ROBO2: variants seen among roughly 807,000 people sequenced by gnomAD.
The protein encoded by ROBO2 is roundabout homolog 2.
In ROBO2, 53 loss-of-function variants were observed where a neutral mutation model predicts 160.8. That is an observed-to-expected ratio of 0.33 (90% confidence interval 0.26 to 0.41). The LOEUF (loss-of-function observed/expected upper bound fraction) is 0.41, where lower values mean the gene tolerates loss of function less well. ROBO2 is among the 10% of genes least tolerant of loss of function. The probability of loss-of-function intolerance (pLI) is 1.00; values close to 1 mark genes in which losing one functional copy is unlikely to be tolerated. For missense variants in ROBO2, 1,577 were observed against 1,722.4 expected, an observed-to-expected ratio of 0.92 and a Z score of 1.49; for synonymous variants, 664 against 611.7, an observed-to-expected ratio of 1.09 and a Z score of -1.26.
intron 2 of ROBO2, among the ~76,000 whole-genome samples, chr3:76,412,510 T>A (rs1244440004): frequency 6.6e-6 from 1 of 152,182 alleles, no homozygotes; most frequent in Non-Finnish European, 1.5e-5. Flanking sequence ...GCCAGCTAGT[T>A]ACTTGCTAGG....
intron 2 of ROBO2, among the ~76,000 whole-genome samples, chr3:77,193,732 G>A (rs944876188): frequency 2.0e-5 from 3 of 151,980 alleles, no homozygotes; most frequent in African/African-American, 7.3e-5. Context: ...GCACCATAGG[G>A]AATTGCTCTT....
chr3:76,086,647 C>T (rs955801762), intron 2 of ROBO2, among the ~76,000 whole-genome samples: 13 of 152,102 alleles, frequency 8.5e-5, no homozygotes, highest in East Asian at 7.7e-4. Context: ...CAAAATATTA[C>T]GAGGCATACT....
chr3:76,171,071 A>G (rs888574947), intron 2 of ROBO2, among the ~76,000 whole-genome samples: 1 of 152,098 alleles, frequency 6.6e-6, no homozygotes, highest in African/African-American at 2.4e-5. Flanking sequence ...AAAGATCCAA[A>G]CTTAATTCAT....
At chr3:76,199,916 G>GT (rs1353688425) in intron 2 of ROBO2, among the ~76,000 whole-genome samples, 2 of 152,090 alleles carry the variant, frequency 1.3e-5, no homozygotes, top group African/African-American at 4.8e-5. Context: ...CCAAATTCAA[G>GT]TAATAGTGGC....
At chr3:77,003,891 G>T (rs1369434449) in intron 2 of ROBO2, among the ~76,000 whole-genome samples, 1 of 152,098 alleles carries the variant, frequency 6.6e-6, no homozygotes, top group Non-Finnish European at 1.5e-5. Context: ...TTCTGGAAAA[G>T]TTGTGAGATG....
At chr3:77,525,774 C>T (rs1287155242) in intron 6 of ROBO2, among the ~76,000 whole-genome samples, 1 of 150,080 alleles carries the variant, frequency 6.7e-6, no homozygotes, top group Non-Finnish European at 1.5e-5. Flanking sequence ...CATGATTTCT[C>T]ACCACAGTTT....
At chr3:76,041,302 A>T (rs558455083) in intron 2 of ROBO2, among the ~76,000 whole-genome samples, 27 of 152,088 alleles carry the variant, frequency 1.8e-4, no homozygotes, top group Non-Finnish European at 3.7e-4. Flanking sequence ...CTTTGCCAGG[A>T]TTTTGACTGA....
intron 2 of ROBO2, among the ~76,000 whole-genome samples, chr3:76,755,820 CTT>C (rs1440671665): frequency 1.3e-5 from 2 of 151,744 alleles, no homozygotes; most frequent in Non-Finnish European, 2.9e-5. Context: ...AGTTTTTCCT[CTT>C]TGAATTTGCC....
chr3:76,212,679 T>C (rs1275986777), intron 2 of ROBO2, among the ~76,000 whole-genome samples: 1 of 152,142 alleles, frequency 6.6e-6, no homozygotes, highest in Non-Finnish European at 1.5e-5. Context: ...TGATAATTAA[T>C]TCTGATTCAT....
At chr3:76,601,177 G>T (rs2087112373) in intron 2 of ROBO2, among the ~76,000 whole-genome samples, 1 of 152,182 alleles carries the variant, frequency 6.6e-6, no homozygotes, top group Non-Finnish European at 1.5e-5. Flanking sequence ...GCAGGATATA[G>T]CCCCAATCCT....
At chr3:76,359,491 C>T (rs2075377878) in intron 2 of ROBO2, among the ~76,000 whole-genome samples, 1 of 151,862 alleles carries the variant, frequency 6.6e-6, no homozygotes, top group Admixed American at 6.6e-5. Context: ...TAAAATGAAA[C>T]ATTAAAAACC....
intron 2 of ROBO2, among the ~76,000 whole-genome samples, chr3:76,987,729 A>T (rs1334152190): frequency 6.6e-6 from 1 of 152,120 alleles, no homozygotes. Flanking sequence ...GTTCTCATAG[A>T]TTTTTTGTAC....
intron 2 of ROBO2, among the ~76,000 whole-genome samples, chr3:76,983,953 C>T (rs2060233884): frequency 6.6e-6 from 1 of 152,180 alleles, no homozygotes; most frequent in Admixed American, 6.5e-5. Flanking sequence ...CCTCAGGAAA[C>T]TTAACAATCA....
At chr3:76,660,370 G>T (rs1310740916) in intron 2 of ROBO2, among the ~76,000 whole-genome samples, 2 of 152,170 alleles carry the variant, frequency 1.3e-5, no homozygotes, top group Non-Finnish European at 2.9e-5. Context: ...TGAATTGAAA[G>T]ATTAGTATTA....
intron 2 of ROBO2, among the ~76,000 whole-genome samples, chr3:76,908,502 T>TCTCAAAACCACAGCCCTACAAA (rs1370198347): frequency 6.6e-6 from 1 of 152,184 alleles, no homozygotes; most frequent in East Asian, 1.9e-4. Context: ...GTAGAAAGAT[T>TCTCAAAACCACAGCCCTACAAA]CTCAAAACCA....
intron 2 of ROBO2, among the ~76,000 whole-genome samples, chr3:77,205,274 G>A (rs2083313822): frequency 6.6e-6 from 1 of 152,048 alleles, no homozygotes; most frequent in Admixed American, 6.5e-5. Context: ...GTAGCTCTCA[G>A]TGGGGAGCTG....
chr3:76,650,931 A>G (rs913286356), intron 2 of ROBO2, among the ~76,000 whole-genome samples: 3 of 152,174 alleles, frequency 2.0e-5, no homozygotes, highest in Non-Finnish European at 4.4e-5. Flanking sequence ...CATAAATTTA[A>G]CTGTTAAAAG....
chr3:76,157,337 T>C (rs887269706), intron 2 of ROBO2, among the ~76,000 whole-genome samples: 1 of 152,148 alleles, frequency 6.6e-6, no homozygotes, highest in African/African-American at 2.4e-5. Flanking sequence ...AAGAGATTTG[T>C]GGGTCACTTT....
chr3:76,399,974 G>T (rs935298627), intron 2 of ROBO2, among the ~76,000 whole-genome samples: 3 of 151,746 alleles, frequency 2.0e-5, no homozygotes, highest in Middle Eastern at 3.4e-3. Flanking sequence ...TAAATTCAGG[G>T]TGTGAGAAAT....
Sources: allele counts gnomAD v4.1 joint callset (sites outside exome capture counted in the v4.1 genomes callset), GRCh38; gene constraint gnomAD v4.1.1; transcripts MANE v1.5; gene names NCBI Gene and HGNC (gene_info 2026-07-23, HGNC 2026-07-21).